DPP10: variants seen among roughly 807,000 people sequenced by gnomAD.
The protein encoded by DPP10 is dipeptidyl peptidase like 10.
Under a neutral mutation model 120.9 loss-of-function variants are expected in DPP10, and 33 were observed. The ratio of observed to expected loss-of-function variants is 0.27; its 90% confidence interval spans 0.21 to 0.37. DPP10 has a LOEUF of 0.37. DPP10 is among the 10% of genes least tolerant of loss of function. DPP10 has a pLI of 1.00. For missense variants in DPP10, 816 were observed against 942.8 expected (o/e 0.87, Z 1.76); for synonymous variants, 337 against 326.1 (o/e 1.03, Z -0.36).
chr2:115,426,791 G>A (rs936650941), intron 3 of DPP10, among the ~76,000 whole-genome samples: 2 of 152,142 alleles, frequency 1.3e-5, no homozygotes, highest in Admixed American at 6.5e-5. Flanking sequence ...TTCTCACATT[G>A]TTAAATACAA....
At chr2:114,814,527 A>T (rs2106333963) in intron 1 of DPP10, among the ~76,000 whole-genome samples, 1 of 152,218 alleles carries the variant, frequency 6.6e-6, no homozygotes, top group Non-Finnish European at 1.5e-5. Flanking sequence ...GTTTAATTTG[A>T]TATATCCCAA....
intron 1 of DPP10, among the ~76,000 whole-genome samples, chr2:115,022,119 A>G (rs1703120318): frequency 6.6e-6 from 1 of 152,158 alleles, no homozygotes; most frequent in South Asian, 2.1e-4. Flanking sequence ...AAGGATGCCC[A>G]TTTTAACCAC....
chr2:115,389,650 G>A (rs1446923766), intron 3 of DPP10, among the ~76,000 whole-genome samples: 8 of 152,122 alleles, frequency 5.3e-5, no homozygotes. Context: ...TCCCGTTAGA[G>A]TAATGCCCAT....
At chr2:115,391,881 T>C (rs1451246909) in intron 3 of DPP10, among the ~76,000 whole-genome samples, 1 of 152,088 alleles carries the variant, frequency 6.6e-6, no homozygotes, top group East Asian at 1.9e-4. Flanking sequence ...CCTTGCTCAG[T>C]GTAAGTAGAT....
intron 1 of DPP10, among the ~76,000 whole-genome samples, chr2:114,569,061 C>T (rs796940188): frequency 2.6e-5 from 4 of 152,172 alleles, no homozygotes; most frequent in African/African-American, 9.6e-5. Context: ...TGCTTTTTCT[C>T]ATCTTATATG....
At chr2:115,720,859 T>C (rs142405203) in intron 7 of DPP10, among the ~76,000 whole-genome samples, 89 of 152,302 alleles carry the variant, frequency 5.8e-4, no homozygotes, top group African/African-American at 1.7e-3. Context: ...GGTCTAAGGT[T>C]CCAGATAAAT....
At chr2:115,378,549 T>G (rs914154443) in intron 3 of DPP10, among the ~76,000 whole-genome samples, 2 of 151,290 alleles carry the variant, frequency 1.3e-5, no homozygotes, top group African/African-American at 4.9e-5. Flanking sequence ...TTTATTTCCT[T>G]CTCCTGCCTA....
At chr2:115,053,180 C>T (rs1451084683) in intron 1 of DPP10, among the ~76,000 whole-genome samples, 2 of 152,114 alleles carry the variant, frequency 1.3e-5, no homozygotes, top group African/African-American at 4.8e-5. Context: ...TTTAGAGCAG[C>T]ATTATTCACA....
intron 1 of DPP10, among the ~76,000 whole-genome samples, chr2:115,139,724 T>TA (rs55826687): frequency 0.032 from 1,829 of 56,628 alleles, 96 homozygotes; most frequent in African/African-American, 0.12. Context: ...GTAAAAATAC[T>TA]AAAAAAAAAA....
At chr2:115,753,616 G>A (rs1679031361) in intron 11 of DPP10, among the ~76,000 whole-genome samples, 1 of 151,974 alleles carries the variant, frequency 6.6e-6, no homozygotes, top group Non-Finnish European at 1.5e-5. Flanking sequence ...TTTTGTCTTT[G>A]ATTATCTTGA....
At chr2:114,763,818 G>A (rs1357489092) in intron 1 of DPP10, among the ~76,000 whole-genome samples, 2 of 152,156 alleles carry the variant, frequency 1.3e-5, no homozygotes, top group Non-Finnish European at 2.9e-5. Context: ...TTTCAGTCAA[G>A]CTTGAATATG....
chr2:115,468,008 C>G (rs2074437563), intron 3 of DPP10: 1 of 330,996 alleles, frequency 3.0e-6, no homozygotes. Context: ...CAGAGAAGGG[C>G]CCAGATGGTA....
chr2:115,078,375 T>C (rs996758039), intron 1 of DPP10, among the ~76,000 whole-genome samples: 8 of 152,190 alleles, frequency 5.3e-5, no homozygotes, highest in Non-Finnish European at 8.8e-5. Context: ...GGAAATTTGT[T>C]ATTCAAAAAA....
chr2:115,635,428 G>A (rs995635518), intron 5 of DPP10, among the ~76,000 whole-genome samples: 40 of 152,230 alleles, frequency 2.6e-4, no homozygotes, highest in Admixed American at 5.2e-4. Context: ...CGCCTCCCTC[G>A]GCTGAAGGTG....
At position 115,309,231 on chromosome 2, in the gene DPP10, C is replaced by T. The variant is rs1387908131; in HGVS notation, c.61-8C>T. Reference sequence around the variant, plus strand: ...ATAATTACAAAACTTTTTTTTCTATCTCGGTAGGAACTGGGAAGTAACAGC... The same window carrying T: ...ATAATTACAAAACTTTTTTTTCTATTTCGGTAGGAACTGGGAAGTAACAGC... On this transcript the variant is annotated splice_polypyrimidine_tract_variant and splice_region_variant and intron_variant, in intron 1 of 25. Coordinates refer to ENST00000410059, the MANE Select transcript of DPP10 (RefSeq NM_020868.6). 1.9e-6 allele frequency: 3 copies of T among 1,604,518 alleles called. No homozygotes were observed. Among genetic ancestry groups the T allele is most frequent in the South Asian group, 1.1e-5 (1 of 89,946 alleles).
intron 7 of DPP10, among the ~76,000 whole-genome samples, chr2:115,718,570 T>A (rs2149600714): frequency 6.6e-6 from 1 of 152,312 alleles, no homozygotes; most frequent in South Asian, 2.1e-4. Flanking sequence ...TTGAGTTCTA[T>A]TGCAATCAGT....
At position 115,595,294 on chromosome 2, in the gene DPP10, CT is replaced by C. The variant is rs2082919576; in HGVS notation, c.441+69323del. On this transcript the variant is annotated intron_variant, in intron 5 of 25. Transcript: ENST00000410059. ...CAGGTTAAAAAAAATCTGTTACTAT[CT>C]CTTACTATTAACTGAAAACTTTATC... is the stretch of plus-strand genomic sequence containing the variant. 2.0e-5 allele frequency among the ~76,000 whole-genome samples: 3 copies of C among 152,176 alleles called. No homozygotes were observed. In the South Asian group the frequency reaches 6.2e-4, roughly 32 times the overall value.
At chr2:115,193,992 CA>C (rs2055069663) in intron 1 of DPP10, among the ~76,000 whole-genome samples, 1 of 152,238 alleles carries the variant, frequency 6.6e-6, no homozygotes, top group African/African-American at 2.4e-5. Flanking sequence ...AGTGAATTAT[CA>C]GTGGTTAATG....
intron 1 of DPP10, among the ~76,000 whole-genome samples, chr2:114,935,393 C>A (rs1696387452): frequency 6.6e-6 from 1 of 152,128 alleles, no homozygotes; most frequent in African/African-American, 2.4e-5. Flanking sequence ...TCTGTAGGAC[C>A]TAATGTGCCC....
Sources: gnomAD v4.1 joint callset for allele counts (sites outside exome capture counted in the v4.1 genomes callset) on GRCh38, gnomAD v4.1.1 for gene constraint, MANE v1.5 for transcripts, NCBI Gene and HGNC (gene_info 2026-07-23, HGNC 2026-07-21) for gene names.